The following PRKCZ variants were observed in gnomAD, a reference collection of about 807,000 sequenced individuals.
The protein encoded by PRKCZ is protein kinase C zeta type.
A neutral mutation model predicts 79.5 loss-of-function variants in PRKCZ; 33 were observed. The observed-to-expected ratio is 0.41, with a 90% CI of 0.31 to 0.55. The LOEUF (loss-of-function observed/expected upper bound fraction) is 0.55. Among genes scored for constraint, PRKCZ ranks in the 20% least tolerant of loss-of-function variants. PRKCZ has a pLI of 0.19. For missense variants in PRKCZ, 578 were observed against 813.5 expected (o/e 0.71, Z 3.52); for synonymous variants, 342 against 320.9 (o/e 1.07, Z -0.70).
chr1:2,050,150 A>G (rs1276273248), upstream of PRKCZ: 1 of 152,046 alleles, frequency 6.6e-6, no homozygotes, highest in Non-Finnish European at 1.5e-5. Flanking sequence ...TCCGTCCCAG[A>G]GGCCGGGGCC....
rs117970637 is a variant in PRKCZ at position 2,165,674 on chromosome 1, C to T, written c.975-3844C>T. Among the ~76,000 whole-genome samples, 6 of 152,210 alleles carry T rather than the reference C, an allele frequency of 3.9e-5. No homozygotes were observed. Among genetic ancestry groups the T allele is most frequent in the African/African-American group, 1.2e-4 (5 of 41,448 alleles). On this transcript the variant is annotated intron_variant, in intron 10 of 17. Coordinates refer to ENST00000378567, the MANE Select transcript of PRKCZ (RefSeq NM_002744.6). This position sits in a 1 kb window ranked among gnomAD's most constrained non-coding sequence, Gnocchi z 4.1. ...CACTGCGTGAAGGGACGCGTGTGGC[C>T]GTGTTCCACCAGAACTTTCTGTACA...
intron 10 of PRKCZ, among the ~76,000 whole-genome samples, chr1:2,160,238 CGTGTGTGTGTGTGTGTGTGT>C (rs56068331): frequency 1.4e-5 from 2 of 146,374 alleles, no homozygotes; most frequent in Non-Finnish European, 3.0e-5. Context: ...CAGCAGTGTG[CGTGTGTGTGTGTGTGTGTGT>C]GTGTGTGTGT....
chr1:2,079,428 C>T lies in PRKCZ; in HGVS notation c.334+19837C>T, dbSNP rs115937678. Among the ~76,000 whole-genome samples, 866 of 152,314 alleles carry T rather than the reference C, an allele frequency of 5.7e-3. 10 individuals carry two copies. Among genetic ancestry groups the T allele is most frequent in the African/African-American group, 0.02 (833 of 41,570 alleles). On this transcript the variant is annotated intron_variant, in intron 4 of 17. Transcript: ENST00000378567. ...GCACAGTTTGAGCTGGGACTCAAAC[C>T]CCAAGGGCTGGGCTTAAGCCCACGC...
intron 4 of PRKCZ, among the ~76,000 whole-genome samples, chr1:2,083,473 GATTA>G (rs1663953381): frequency 6.6e-6 from 1 of 152,180 alleles, no homozygotes; most frequent in Non-Finnish European, 1.5e-5. Flanking sequence ...TGATTAATTA[GATTA>G]ATTCTAAAAT....
Position 2,172,082 on chromosome 1 carries a change from C to T in PRKCZ, c.1089C>T (p.Ala363=), listed in dbSNP as rs763608708. ...ARFYAAEICI[A]LNFLHERGII... ...TCTACGCGGCCGAGATCTGCATCGC[C>T]CTCAACTTCCTGCACGAGAGGGGGA... is the stretch of plus-strand genomic sequence containing the variant. The change falls in exon 12 of 18, where the codon GCC becomes GCT. Residue 363 remains alanine (A), a synonymous_variant. Transcript: ENST00000378567. The surrounding 1 kb of genome is among the most constrained non-coding windows in gnomAD (Gnocchi z 7.8). 2.5e-6 allele frequency: 4 copies of T among 1,612,830 alleles called. No homozygotes were observed. The highest frequency in any genetic ancestry group is 1.7e-5 in the Admixed American group (1 of 59,954).
chr1:2,176,101 G>C (rs1168001551), intron 16 of PRKCZ, among the ~76,000 whole-genome samples: 1 of 152,200 alleles, frequency 6.6e-6, no homozygotes, highest in Non-Finnish European at 1.5e-5. Flanking sequence ...TTAGGAATCT[G>C]ATTTCGGTGG....
rs920789771 is a variant in PRKCZ at position 2,165,991 on chromosome 1, C to A, written c.975-3527C>A. On this transcript the variant is annotated intron_variant, in intron 10 of 17. Coordinates refer to ENST00000378567, the MANE Select transcript of PRKCZ (RefSeq NM_002744.6). The surrounding 1 kb of genome is among the most constrained non-coding windows in gnomAD (Gnocchi z 4.1). ...ATTTCCCATGTCTGTTGGATGGTGC[C>A]GGTTCCAGGGCAGGGTCAGGGACTG... is the stretch of plus-strand genomic sequence containing the variant. Among the ~76,000 whole-genome samples the A allele has an allele frequency of 6.6e-6, 1 of 152,196 alleles. No individual in the cohort carries two copies. Among genetic ancestry groups the A allele is most frequent in the Admixed American group, 6.5e-5 (1 of 15,282 alleles).
intron 4 of PRKCZ, among the ~76,000 whole-genome samples, chr1:2,073,022 G>A (rs1422115642): frequency 6.6e-6 from 1 of 152,164 alleles, no homozygotes; most frequent in African/African-American, 2.4e-5. Context: ...CCCAGGGTTT[G>A]TCAGGGTACC....
rs1671953417 is a variant in PRKCZ, at chr1:2,121,580, GGTGGTAGTTAAGGTCACA to G, written c.335-13680_335-13663del. On this transcript the variant is annotated intron_variant, in intron 4 of 17. Transcript: ENST00000378567. ...GGGCTATGGCTGTAGTTAGGGTGAT[GGTGGTAGTTAAGGTCACA>G]GCAGTAATTAGGGTCATGGTGGTGG... 1.1e-3 allele frequency among the ~76,000 whole-genome samples: 34 copies of G among 30,954 alleles called. 4 individuals carry two copies. Among genetic ancestry groups the G allele is most frequent in the African/African-American group, 3.6e-3 (30 of 8,290 alleles). 20.3% of individuals were successfully genotyped at this position (30,954 alleles called of 152,430 possible).
chr1:2,073,888 A>T, intron 4 of PRKCZ: 1 of 1,220,320 alleles, frequency 8.2e-7, no homozygotes, highest in South Asian at 1.9e-5. Flanking sequence ...CCGCGCACAG[A>T]GCATAAAGAA....
At chr1:2,062,120 C>T (rs1660729389) in intron 4 of PRKCZ, among the ~76,000 whole-genome samples, 1 of 152,280 alleles carries the variant, frequency 6.6e-6, no homozygotes, top group East Asian at 1.9e-4. Context: ...CTGGCACATT[C>T]TATGTGTGTC....
rs575328769 is a variant in PRKCZ at position 2,072,769 on chromosome 1, TC to T, written c.334+13179del. ...CAGCAGGGCCATAGGTGCTGGAGCA[TC>T]GAGGGCACAGCACGTATGAATGCAG... On this transcript the variant is annotated intron_variant, in intron 4 of 17. Transcript: ENST00000378567. Among the ~76,000 whole-genome samples, 3 of 152,150 alleles carry T rather than the reference TC, an allele frequency of 2.0e-5. No homozygotes were observed. In the South Asian group the frequency reaches 6.2e-4, roughly 32 times the overall value.
intron 4 of PRKCZ, among the ~76,000 whole-genome samples, chr1:2,063,017 T>A (rs571799404): frequency 6.6e-6 from 1 of 151,164 alleles, no homozygotes; most frequent in South Asian, 2.1e-4. Context: ...GTGAGTGGAA[T>A]CGCACAGGAT....
rs75797402 is a variant in PRKCZ at position 2,132,803 on chromosome 1, C to T, written c.335-2459C>T. On this transcript the variant is annotated intron_variant, in intron 4 of 17. Transcript: ENST00000378567. The stretch of plus-strand genomic sequence containing the variant: ...GTTTCCACCCTTAGTCTCTGAGGGG[C>T]CTAGTGTGTGTATGGTGGGAAGCGG... Among the ~76,000 whole-genome samples, 587 of 152,334 alleles carry T rather than the reference C, an allele frequency of 3.9e-3. 23 individuals are homozygous for T. The East Asian group carries it at 0.084, about 22-fold the overall frequency.
rs1663710604 is a variant in PRKCZ, at chr1:2,082,377, A to G, written c.334+22786A>G. ...CCGGCTACCCGGCTGCCGTAGACAG[A>G]GTGAAGTCTGGTAGTTTGTGTTTAT... is the stretch of plus-strand genomic sequence containing the variant. On this transcript the variant is annotated intron_variant, in intron 4 of 17. Coordinates refer to ENST00000378567, the MANE Select transcript of PRKCZ (RefSeq NM_002744.6). The surrounding 1 kb of genome is among the most constrained non-coding windows in gnomAD (Gnocchi z 4.4). 1 of 456,338 alleles carries G rather than the reference A, an allele frequency of 2.2e-6. No individual in the cohort carries two copies. Among genetic ancestry groups the G allele is most frequent in the South Asian group, 1.5e-5 (1 of 64,578 alleles). 28.3% of individuals were successfully genotyped at this position (456,338 alleles called of 1,614,324 possible). A position where few individuals can be genotyped will look rare whatever the true frequency, so the allele number is the denominator to read the frequency against.
In PRKCZ at chr1:2,146,091, C is replaced by G; in HGVS notation, c.617C>G (p.Ser206Cys). 2 of 1,613,980 alleles carry G rather than the reference C, an allele frequency of 1.2e-6. No individual in the cohort carries two copies. The highest frequency in any genetic ancestry group is 1.3e-5 in the African/African-American group (1 of 75,052). The change falls in exon 7 of 18, where the codon TCC becomes TGC. Residue 206 changes from serine to cysteine, a missense_variant. Physicochemically the swap from Ser to Cys is moderately radical, Grantham distance 112. Coordinates refer to ENST00000378567, the MANE Select transcript of PRKCZ (RefSeq NM_002744.6). ...DDKNEDADLPSEETDGIAYIS... is the reference protein window; with the variant it reads ...DDKNEDADLPCEETDGIAYIS... Reference sequence around the variant, plus strand: ...AAGAACGAGGACGCCGACCTTCCTTCCGAGGAGACAGATGGAAGTAGGCGC... The same window carrying G: ...AAGAACGAGGACGCCGACCTTCCTTGCGAGGAGACAGATGGAAGTAGGCGC...
At chr1:2,111,657 G>A (rs3107139) in intron 4 of PRKCZ, 14,207 of 152,332 alleles carry the variant, frequency 0.093, 2,235 homozygotes, top group African/African-American at 0.32. Context: ...AGGAACTGGC[G>A]GGGCTGCTGC....
At chr1:2,137,124 C>T (rs1676365453) in intron 5 of PRKCZ, among the ~76,000 whole-genome samples, 1 of 152,140 alleles carries the variant, frequency 6.6e-6, no homozygotes, top group Non-Finnish European at 1.5e-5. Context: ...GCTCCAGAGC[C>T]CCCGGCAAAC....
chr1:2,078,604 C>T (rs576425266), intron 4 of PRKCZ, among the ~76,000 whole-genome samples: 3,133 of 152,316 alleles, frequency 0.021, 40 homozygotes, highest in Non-Finnish European at 0.032. Flanking sequence ...AGGAGCTTTA[C>T]ACCCAGTTAT....
Sources: allele counts gnomAD v4.1 joint callset (sites outside exome capture counted in the v4.1 genomes callset), GRCh38; gene constraint gnomAD v4.1.1; non-coding constraint Gnocchi (gnomAD v3.1); transcripts MANE v1.5; gene names NCBI Gene and HGNC (gene_info 2026-07-23, HGNC 2026-07-21).